The following IL1A variants were observed in gnomAD, a reference collection of about 807,000 sequenced individuals.
The protein encoded by IL1A is interleukin 1 alpha.
In IL1A, 16 loss-of-function variants were observed where a neutral mutation model predicts 22.2. That is an observed-to-expected ratio of 0.72 (90% CI 0.49 to 1.09). IL1A has a LOEUF of 1.09. Among genes scored for constraint, IL1A ranks in the 50% least tolerant of loss-of-function variants. IL1A has a pLI of 0.00. For missense variants in IL1A, 317 were observed against 321.8 expected, an observed-to-expected ratio of 0.99 and a Z score of 0.11; for synonymous variants, 113 against 118.5, an observed-to-expected ratio of 0.95 and a Z score of 0.30.
intron 2 of IL1A, among the ~76,000 whole-genome samples, chr2:112,783,516 C>T (rs577242428): frequency 1.3e-5 from 2 of 152,296 alleles, no homozygotes; most frequent in African/African-American, 4.8e-5. Context: ...TCTAAAATGG[C>T]GGTCTCCCTG....
intron 4 of IL1A, among the ~76,000 whole-genome samples, chr2:112,780,379 C>T (rs750626889): frequency 6.6e-6 from 1 of 152,078 alleles, no homozygotes; most frequent in Non-Finnish European, 1.5e-5. Flanking sequence ...CTCTCACTGA[C>T]GATATGAGTG....
chr2:112,778,150 G>T (rs1283942023), intron 5 of IL1A, 39 bp from the exon 6 acceptor site: 20 of 1,577,342 alleles, frequency 1.3e-5, no homozygotes, highest in Non-Finnish European at 1.6e-5. Context: ...TAAATTCATT[G>T]TATTTGTATA....
rs758316846 is a variant in IL1A at position 112,782,710 on chromosome 2, G to T, written c.96+6C>A. 4.4e-6 allele frequency: 7 copies of T among 1,594,540 alleles called. No individual in the cohort carries two copies. Among genetic ancestry groups the T allele is most frequent in the Non-Finnish European group, 6.0e-6 (7 of 1,162,404 alleles). ...AGTCCCATGAGAATTACAGTCATTTGCTTACCTGATTCAGAGACAGATGAT... is the reference window on the plus strand; with the variant it reads ...AGTCCCATGAGAATTACAGTCATTTTCTTACCTGATTCAGAGACAGATGAT... On this transcript the variant is annotated splice_donor_region_variant and intron_variant, in intron 3 of 6. Coordinates refer to ENST00000263339, the MANE Select transcript of IL1A (RefSeq NM_000575.5).
Position 112,775,013 on chromosome 2 carries a change from A to G in IL1A, c.*54T>C. 2.2e-6 allele frequency: 3 copies of G among 1,371,482 alleles called. No individual in the cohort carries two copies. The highest frequency in any genetic ancestry group is 2.3e-5 in the East Asian group (1 of 43,700). 85.0% of individuals were successfully genotyped at this position (1,371,482 alleles called of 1,614,324 possible). ...TAAAGGATTTAGCTTCTTCATGTAC[A>G]TGGTACATATGAACTGTCAACACTG... On this transcript the variant is annotated 3_prime_UTR_variant, in exon 7 of 7. Coordinates refer to ENST00000263339, the MANE Select transcript of IL1A (RefSeq NM_000575.5).
rs772067376 is a variant in IL1A at position 112,781,848 on chromosome 2, G to A, written c.97-22C>T. On this transcript the variant is annotated intron_variant, in intron 3 of 6. Coordinates refer to ENST00000263339, the MANE Select transcript of IL1A (RefSeq NM_000575.5). ...ATTTCTGTGAGGAAGGAAAACAGAA[G>A]CTGAGAGGCTGTTCATGGTCAGGGA... The A allele has an allele frequency of 2.9e-5, 45 of 1,528,486 alleles. No individual in the cohort carries two copies. The Admixed American group carries it at 6.5e-4, about 22-fold the overall frequency. The allele number at this position is 1,528,486 out of a possible 1,614,324, so 94.7% of individuals were successfully genotyped here.
At chr2:112,781,483 C>G (rs775579895) in intron 4 of IL1A, 121 bp downstream of exon 4, 22 of 801,998 alleles carry the variant, frequency 2.7e-5, no homozygotes, top group East Asian at 4.9e-5. Context: ...GTATAGTTAC[C>G]AGACTAATGC....
At chr2:112,779,737 A>C in intron 4 of IL1A, 71 bp from the exon 5 acceptor site, 2 of 1,108,012 alleles carry the variant, frequency 1.8e-6, no homozygotes, top group South Asian at 2.1e-5. Context: ...GTCTAGTACA[A>C]ACAGGGAAAA....
chr2:112,775,017 T>G lies in IL1A; in HGVS notation c.*50A>C. On this transcript the variant is annotated 3_prime_UTR_variant, in exon 7 of 7. Transcript: ENST00000263339. ...GGATTTAGCTTCTTCATGTACATGG[T>G]ACATATGAACTGTCAACACTGCACA... The G allele has an allele frequency of 7.1e-7, 1 of 1,418,126 alleles. No individual in the cohort carries two copies. The highest frequency in any genetic ancestry group is 2.3e-5 in the East Asian group (1 of 43,934). 87.8% of individuals were successfully genotyped at this position (1,418,126 alleles called of 1,614,324 possible). A position where few individuals can be genotyped will look rare whatever the true frequency, so the allele number is the denominator to read the frequency against.
In IL1A at chr2:112,783,766, G is replaced by A. The variant is rs1190431689; in HGVS notation, c.5C>T (p.Ala2Val). M[A>V]KVPDMFEDLK... ...GTCTTCAAACATGTCTGGAACTTTGGCCATCTTGACTTCTGCAACAGAGAA... is the reference window on the plus strand; with the variant it reads ...GTCTTCAAACATGTCTGGAACTTTGACCATCTTGACTTCTGCAACAGAGAA... The change falls in exon 2 of 7, where the codon GCC (alanine) becomes GTC (valine). Residue 2 changes from alanine to valine, a missense_variant. Coordinates refer to ENST00000263339, the MANE Select transcript of IL1A (RefSeq NM_000575.5). 4 of 1,613,802 alleles carry A rather than the reference G, an allele frequency of 2.5e-6. No homozygotes were observed. Among genetic ancestry groups the A allele is most frequent in the Non-Finnish European group, 3.4e-6 (4 of 1,179,854 alleles).
chr2:112,776,227 A>T (rs1394325588), intron 6 of IL1A, among the ~76,000 whole-genome samples: 2 of 152,176 alleles, frequency 1.3e-5, no homozygotes, highest in African/African-American at 4.8e-5. Flanking sequence ...AGGTCAGGCC[A>T]TTGCACTGTG....
In IL1A at chr2:112,773,949, A is replaced by G. The variant is rs2104904544; in HGVS notation, c.*1118T>C. 1 of 152,370 alleles carries G rather than the reference A, an allele frequency of 6.6e-6. No individual in the cohort carries two copies. The highest frequency in any genetic ancestry group is 3.4e-3 in the Middle Eastern group (1 of 294). 9.4% of individuals were successfully genotyped at this position (152,370 alleles called of 1,614,324 possible). On this transcript the variant is annotated 3_prime_UTR_variant, in exon 7 of 7. Transcript: ENST00000263339. ...ATTTTGTTGCAAGCTTTATTTAGTT[A>G]TGACTGATAACACTCTATCAATCAC...
chr2:112,779,019 C>T (rs1225359145), intron 5 of IL1A, among the ~76,000 whole-genome samples: 1 of 152,156 alleles, frequency 6.6e-6, no homozygotes, highest in South Asian at 2.1e-4. Context: ...ATATTTGTAG[C>T]TTATTGGAGG....
At chr2:112,783,369 C>T (rs1199723562) in intron 2 of IL1A, among the ~76,000 whole-genome samples, 1 of 152,240 alleles carries the variant, frequency 6.6e-6, no homozygotes, top group Middle Eastern at 3.4e-3. Flanking sequence ...ATTTCCTGTT[C>T]CTGAATGAGA....
At chr2:112,775,545 T>C (rs1681085004) in intron 6 of IL1A, among the ~76,000 whole-genome samples, 1 of 152,226 alleles carries the variant, frequency 6.6e-6, no homozygotes, top group Non-Finnish European at 1.5e-5. Flanking sequence ...AGTATCTTAC[T>C]GTATCCAGGC....
intron 4 of IL1A, among the ~76,000 whole-genome samples, chr2:112,780,380 G>A (rs1052950838): frequency 1.3e-5 from 2 of 152,186 alleles, no homozygotes; most frequent in Non-Finnish European, 2.9e-5. Context: ...TCTCACTGAC[G>A]ATATGAGTGA....
At chr2:112,775,316 A>C in intron 6 of IL1A, 49 bp from the exon 7 acceptor site, 1 of 1,468,630 alleles carries the variant, frequency 6.8e-7, no homozygotes, top group East Asian at 2.3e-5. Flanking sequence ...TGGTAGAAAA[A>C]GGACTGAAGC....
chr2:112,781,493 C>A, intron 4 of IL1A, 111 bp downstream of exon 4: 1 of 855,424 alleles, frequency 1.2e-6, no homozygotes, highest in Non-Finnish European at 2.0e-6. Flanking sequence ...CAGACTAATG[C>A]TTGGTTGTCT....
rs1573254627 is a variant in IL1A, at chr2:112,781,909, A to C, written c.97-83T>G. 3 of 905,552 alleles carry C rather than the reference A, an allele frequency of 3.3e-6. No homozygotes were observed. The East Asian group carries it at 7.3e-5, about 22-fold the overall frequency. The allele number at this position is 905,552 out of a possible 1,614,324, so 56.1% of individuals were successfully genotyped here. A position where few individuals can be genotyped will look rare whatever the true frequency, so the allele number is the denominator to read the frequency against. ...TTTCAGTAGGTGCTGTATTCAACAGAGGTAGTGAGGAGGATCTCCATTCTG... is the reference window on the plus strand; with the variant it reads ...TTTCAGTAGGTGCTGTATTCAACAGCGGTAGTGAGGAGGATCTCCATTCTG... On this transcript the variant is annotated intron_variant, in intron 3 of 6. Coordinates refer to ENST00000263339, the MANE Select transcript of IL1A (RefSeq NM_000575.5).
At chr2:112,780,735 G>GTAA (rs1681181449) in intron 4 of IL1A, among the ~76,000 whole-genome samples, 1 of 77,328 alleles carries the variant, frequency 1.3e-5, no homozygotes, top group East Asian at 2.1e-4. Flanking sequence ...AGTAGTAGTA[G>GTAA]TAATAATAAT....
Sources: allele counts gnomAD v4.1 joint callset (sites outside exome capture counted in the v4.1 genomes callset), GRCh38; gene constraint gnomAD v4.1.1; transcripts MANE v1.5; gene names NCBI Gene and HGNC (gene_info 2026-07-23, HGNC 2026-07-21).